Variants in KIF26B observed in about 807,000 individuals in gnomAD.
KIF26B encodes kinesin-like protein KIF26B.
KIF26B carries 63 observed loss-of-function variants against 151.2 expected under a neutral mutation model. The observed-to-expected ratio is 0.42, with a 90% confidence interval of 0.34 to 0.51. The LOEUF is 0.51. Among genes scored for constraint, KIF26B ranks in the 20% least tolerant of loss-of-function variants. The pLI is 0.07. For synonymous variants in KIF26B, 1,357 were observed against 1,262.1 expected, an observed-to-expected ratio of 1.08 and a Z score of -1.59; for missense variants, 2,813 against 2,913.6, an observed-to-expected ratio of 0.97 and a Z score of 0.79.
intron 2 of KIF26B, among the ~76,000 whole-genome samples, chr1:245,195,966 A>G (rs1182744404): frequency 6.6e-6 from 1 of 152,186 alleles, no homozygotes; most frequent in Non-Finnish European, 1.5e-5. Context: ...AGAGTAATCA[A>G]AGTGGAAAAA....
At chr1:245,695,817 TTTACC>T (rs67304175) in intron 12 of KIF26B, among the ~76,000 whole-genome samples, 114 of 27,668 alleles carry the variant, frequency 4.1e-3, no homozygotes, top group Non-Finnish European at 7.8e-3. Flanking sequence ...TCCAGGTGTT[TTTACC>T]TTCTCTACTC....
chr1:245,662,064 C>T (rs1054273791), intron 10 of KIF26B, among the ~76,000 whole-genome samples: 8 of 148,838 alleles, frequency 5.4e-5, no homozygotes, highest in Non-Finnish European at 1.0e-4. Flanking sequence ...TACACACATA[C>T]CCCCATATAT....
chr1:245,198,373 A>G (rs1337390650), intron 2 of KIF26B, among the ~76,000 whole-genome samples: 4 of 152,226 alleles, frequency 2.6e-5, no homozygotes, highest in Non-Finnish European at 5.9e-5. Context: ...AAGTTATTTA[A>G]TATAGGGATT....
At position 245,227,989 on chromosome 1, in the gene KIF26B, C is replaced by G. The variant is rs552397385; in HGVS notation, c.465+71306C>G. Among the ~76,000 whole-genome samples, 4 of 152,148 alleles carry G rather than the reference C, an allele frequency of 2.6e-5. No homozygotes were observed. In the South Asian group the frequency reaches 6.2e-4, roughly 24 times the overall value. On this transcript the variant is annotated intron_variant, in intron 2 of 14. Coordinates refer to ENST00000407071, the MANE Select transcript of KIF26B (RefSeq NM_018012.4). This position sits in a 1 kb window ranked among gnomAD's most constrained non-coding sequence, Gnocchi z 4.1. The stretch of plus-strand genomic sequence containing the variant: ...TGCACTCCAGCCTGGGCAACAAGAG[C>G]GAAACTCTGTCTCAAAACAAAACAA...
In KIF26B at chr1:245,404,718, C is replaced by T. The variant is rs113788306; in HGVS notation, c.1000-14861C>T. Among the ~76,000 whole-genome samples, 640 of 152,258 alleles carry T rather than the reference C, an allele frequency of 4.2e-3. 5 individuals are homozygous for T. Among genetic ancestry groups the T allele is most frequent in the African/African-American group, 0.015 (624 of 41,560 alleles). ...ACAGGGGAAAAAAGCAGAATATTTA[C>T]TTAGTGAAGACATAATGAGATGGTA... On this transcript the variant is annotated intron_variant, in intron 3 of 14. Coordinates refer to ENST00000407071, the MANE Select transcript of KIF26B (RefSeq NM_018012.4).
At chr1:245,499,599 A>G (rs1660580237) in intron 4 of KIF26B, among the ~76,000 whole-genome samples, 1 of 152,246 alleles carries the variant, frequency 6.6e-6, no homozygotes, top group South Asian at 2.1e-4. Context: ...AGTAAGCCAA[A>G]AAGTTTCCAC....
At chr1:245,552,379 G>C (rs372866078) in intron 5 of KIF26B, among the ~76,000 whole-genome samples, 8 of 151,964 alleles carry the variant, frequency 5.3e-5, no homozygotes, top group East Asian at 3.9e-4. Context: ...CATTATGGAA[G>C]GTCGTCTGAT....
chr1:245,478,664 A>G (rs1351068092), intron 4 of KIF26B, among the ~76,000 whole-genome samples: 4 of 151,556 alleles, frequency 2.6e-5, no homozygotes, highest in Non-Finnish European at 1.5e-5. Context: ...GTCCACCCGT[A>G]TCGGCCTCCC....
intron 5 of KIF26B, among the ~76,000 whole-genome samples, chr1:245,599,925 C>A (rs577608366): frequency 6.6e-6 from 1 of 151,928 alleles, no homozygotes; most frequent in Non-Finnish European, 1.5e-5. Flanking sequence ...CTAATAGGAG[C>A]CTTGTTGGGC....
chr1:245,173,710 A>G (rs937696108), intron 2 of KIF26B, among the ~76,000 whole-genome samples: 16 of 152,204 alleles, frequency 1.1e-4, no homozygotes, highest in African/African-American at 3.9e-4. Context: ...GATGCTATTG[A>G]GAATTGGGGC....
At chr1:245,242,744 C>T (rs369819658) in intron 2 of KIF26B, among the ~76,000 whole-genome samples, 1 of 152,016 alleles carries the variant, frequency 6.6e-6, no homozygotes, top group Non-Finnish European at 1.5e-5. Context: ...CTCTGTCTCC[C>T]GGGTTCAAGT....
rs1027084711 is a variant in KIF26B at position 245,372,113 on chromosome 1, T to C, written c.999+4746T>C. ...CGCAGAGCAGGAGGTGACTGGCGGGTGGGTGGGCATTACCTCCTGAGCTCC... is the reference window on the plus strand; with the variant it reads ...CGCAGAGCAGGAGGTGACTGGCGGGCGGGTGGGCATTACCTCCTGAGCTCC... On this transcript the variant is annotated intron_variant, in intron 3 of 14. Coordinates refer to ENST00000407071, the MANE Select transcript of KIF26B (RefSeq NM_018012.4). Among the ~76,000 whole-genome samples, 4 of 151,568 alleles carry C rather than the reference T, an allele frequency of 2.6e-5. No individual in the cohort carries two copies. In the South Asian group the frequency reaches 8.3e-4, roughly 32 times the overall value.
chr1:245,178,140 A>C (rs1270726846), intron 2 of KIF26B, among the ~76,000 whole-genome samples: 1 of 152,188 alleles, frequency 6.6e-6, no homozygotes, highest in Non-Finnish European at 1.5e-5. Flanking sequence ...CAGGAGAAAG[A>C]CCTGTTCATC....
chr1:245,347,758 T>G (rs535975775), intron 2 of KIF26B, among the ~76,000 whole-genome samples: 1 of 152,390 alleles, frequency 6.6e-6, no homozygotes, highest in South Asian at 2.1e-4. Flanking sequence ...AAAGCTCTTA[T>G]GAAGGTCACT....
At chr1:245,507,821 T>G (rs1257832645) in intron 4 of KIF26B, among the ~76,000 whole-genome samples, 3 of 152,150 alleles carry the variant, frequency 2.0e-5, no homozygotes, top group Non-Finnish European at 4.4e-5. Flanking sequence ...TGACAACATC[T>G]GTTGTCAAAG....
intron 4 of KIF26B, among the ~76,000 whole-genome samples, chr1:245,456,158 C>A (rs10159169): frequency 0.24 from 36,468 of 151,932 alleles, 4,526 homozygotes; most frequent in East Asian, 0.31. Flanking sequence ...CTTCACTAAC[C>A]TTATCTCTTG....
intron 2 of KIF26B, among the ~76,000 whole-genome samples, chr1:245,334,800 C>T (rs910101699): frequency 6.6e-6 from 1 of 152,304 alleles, no homozygotes; most frequent in East Asian, 1.9e-4. Flanking sequence ...AAGTACTTTC[C>T]ATAACTGCTG....
At chr1:245,428,625 C>G (rs868774241) in intron 4 of KIF26B, among the ~76,000 whole-genome samples, 6 of 152,200 alleles carry the variant, frequency 3.9e-5, no homozygotes, top group South Asian at 4.1e-4. Flanking sequence ...TAGCTTGGCA[C>G]ACACCACTCT....
At chr1:245,454,772 T>C (rs1659476184) in intron 4 of KIF26B, among the ~76,000 whole-genome samples, 1 of 152,030 alleles carries the variant, frequency 6.6e-6, no homozygotes, top group Admixed American at 6.6e-5. Flanking sequence ...TCCTACCCCA[T>C]TTTTTTTCTT....
Sources: gnomAD v4.1 joint callset for allele counts (sites outside exome capture counted in the v4.1 genomes callset) on GRCh38, gnomAD v4.1.1 for gene constraint, Gnocchi (gnomAD v3.1) non-coding constraint, MANE v1.5 for transcripts, NCBI Gene and HGNC (gene_info 2026-07-23, HGNC 2026-07-21) for gene names.